Variants in PKHD1 observed in about 807,000 individuals in gnomAD.
PKHD1 encodes PKHD1 ciliary IPT domain containing fibrocystin/polyductin, also known as fibrocystin.
In PKHD1, 291 loss-of-function variants were observed where a neutral mutation model predicts 412.0. The observed-to-expected ratio is 0.71, with a 90% CI of 0.64 to 0.78. The LOEUF is 0.78. Ranked by LOEUF, PKHD1 falls within the 30% of genes least tolerant of loss-of-function variation. The pLI is 0.00. For synonymous variants in PKHD1, 1,777 were observed against 1,821.5 expected (o/e 0.98, Z 0.62); for missense variants, 4,825 against 4,950.7 (o/e 0.97, Z 0.76).
rs143045276 is a variant in PKHD1 at position 52,021,415 on chromosome 6, G to A, written c.5380+1386C>T. 2.3e-3 allele frequency among the ~76,000 whole-genome samples: 349 copies of A among 152,228 alleles called. 6 individuals carry two copies. The highest frequency in any genetic ancestry group is 9.1e-3 in the East Asian group (47 of 5,186). On this transcript the variant is annotated intron_variant, in intron 33 of 66. Coordinates refer to ENST00000371117, the MANE Select transcript of PKHD1 (RefSeq NM_138694.4). ...GGCTTTTAAAAGTATATTAATTTGA[G>A]CAGTGTATATATGAAAGCTTTTTTA...
chr6:51,722,754 G>A (rs932398000), intron 60 of PKHD1, among the ~76,000 whole-genome samples: 13 of 152,278 alleles, frequency 8.5e-5, no homozygotes, highest in African/African-American at 2.2e-4. Flanking sequence ...ACATGCTAAT[G>A]TAATTAACCA....
intron 36 of PKHD1, among the ~76,000 whole-genome samples, chr6:51,949,188 C>T (rs1443398684): frequency 2.0e-5 from 3 of 152,186 alleles, no homozygotes; most frequent in East Asian, 3.8e-4. Context: ...TACTTGCCTA[C>T]ATTGATTAAC....
intron 52 of PKHD1, among the ~76,000 whole-genome samples, chr6:51,796,125 T>A (rs1396032331): frequency 6.6e-6 from 1 of 152,214 alleles, no homozygotes; most frequent in East Asian, 1.9e-4. Flanking sequence ...CAGCTGTGAA[T>A]TCACCTGGTC....
In PKHD1 at chr6:51,871,315, C is replaced by CAAAAAGACAAAGAGATGGAAA. The variant is rs1775965992; in HGVS notation, c.7351-677_7351-676insTTTCCATCTCTTTGTCTTTTT. Among the ~76,000 whole-genome samples, 356 of 58,548 alleles carry CAAAAAGACAAAGAGATGGAAA rather than the reference C, an allele frequency of 6.1e-3. 7 individuals are homozygous for CAAAAAGACAAAGAGATGGAAA. The highest frequency in any genetic ancestry group is 0.037 in the Middle Eastern group (2 of 54). 38.4% of individuals were successfully genotyped at this position (58,548 alleles called of 152,430 possible). ...ATGAATGGATTAACAAACTGCATTA[C>CAAAAAGACAAAGAGATGGAAA]ATCTATCTAATGGAATACTATTCGT... On this transcript the variant is annotated intron_variant, in intron 46 of 66. Transcript: ENST00000371117.
intron 60 of PKHD1, among the ~76,000 whole-genome samples, chr6:51,676,069 G>A (rs1775789523): frequency 6.6e-6 from 1 of 152,068 alleles, no homozygotes; most frequent in Admixed American, 6.6e-5. Flanking sequence ...GGAGGCAGGT[G>A]TGTATGTGTG....
At chr6:52,021,749 C>T (rs532251911) in intron 33 of PKHD1, among the ~76,000 whole-genome samples, 37 of 152,002 alleles carry the variant, frequency 2.4e-4, no homozygotes, top group Middle Eastern at 3.4e-3. Flanking sequence ...CTTCTTCTTC[C>T]TCTTCCCTCT....
At chr6:51,746,996 G>T in intron 58 of PKHD1, 107 bp from the exon 59 acceptor site, 2 of 711,300 alleles carry the variant, frequency 2.8e-6, no homozygotes, top group Non-Finnish European at 4.6e-6. Context: ...CCCTAAGTTA[G>T]TTAAAGCTAT....
chr6:51,965,389 T>C lies in PKHD1; in HGVS notation c.5752-5363A>G, dbSNP rs549232485. On this transcript the variant is annotated intron_variant, in intron 35 of 66. Coordinates refer to ENST00000371117, the MANE Select transcript of PKHD1 (RefSeq NM_138694.4). ...CACAACAGATGACACAGGCTGAGAT[T>C]ATTTCAGCTGATTATAAAACAAAAG... is the stretch of plus-strand genomic sequence containing the variant. Among the ~76,000 whole-genome samples, 32 of 152,252 alleles carry C rather than the reference T, an allele frequency of 2.1e-4. 1 individual carries two copies. In the South Asian group the frequency reaches 6.4e-3, roughly 31 times the overall value.
intron 28 of PKHD1, among the ~76,000 whole-genome samples, chr6:52,034,174 T>C (rs1428063505): frequency 2.8e-5 from 2 of 70,426 alleles, no homozygotes; most frequent in Non-Finnish European, 6.9e-5. Context: ...ATAGGAACTC[T>C]AGGGGAAAAA....
intron 15 of PKHD1, among the ~76,000 whole-genome samples, 170 bp from the exon 16 acceptor site, chr6:52,058,771 C>CTCTATCGA (rs1554218018): frequency 1.4e-4 from 21 of 149,190 alleles, no homozygotes; most frequent in Non-Finnish European, 2.5e-4. Flanking sequence ...TTCTCCAGCT[C>CTCTATCGA]TCTATCTATC....
rs79593322 is a variant in PKHD1, at chr6:51,665,159, G to A, written c.10157-5190C>T. Among the ~76,000 whole-genome samples the A allele has an allele frequency of 3.2e-3, 479 of 151,864 alleles. 3 individuals are homozygous for A. Among genetic ancestry groups the A allele is most frequent in the African/African-American group, 0.011 (448 of 41,440 alleles). ...TTTTTTCTACCCTAGGAAAAATACC[G>A]TACAAAAAAAATCTGTAATAAATAA... On this transcript the variant is annotated intron_variant, in intron 60 of 66. Transcript: ENST00000371117.
chr6:51,853,686 C>G (rs1237574723), intron 49 of PKHD1, among the ~76,000 whole-genome samples: 1 of 152,104 alleles, frequency 6.6e-6, no homozygotes, highest in East Asian at 1.9e-4. Flanking sequence ...CTCTGATATC[C>G]TTTCTTTTAC....
chr6:51,783,638 T>G (rs149617899), intron 53 of PKHD1, among the ~76,000 whole-genome samples: 2 of 151,974 alleles, frequency 1.3e-5, no homozygotes, highest in African/African-American at 4.8e-5. Flanking sequence ...AGAGGAGACA[T>G]TGATGAAAGG....
chr6:51,862,031 A>C (rs1354099306), intron 48 of PKHD1, among the ~76,000 whole-genome samples: 4 of 152,212 alleles, frequency 2.6e-5, no homozygotes, highest in African/African-American at 9.6e-5. Flanking sequence ...TGTCAGGGAT[A>C]TTGAAAAATA....
At chr6:51,959,404 C>G (rs1412527169) in intron 36 of PKHD1, among the ~76,000 whole-genome samples, 4 of 152,042 alleles carry the variant, frequency 2.6e-5, no homozygotes, top group Non-Finnish European at 5.9e-5. Context: ...AGCTATATAG[C>G]CGGTTTTGCA....
chr6:51,949,777 T>C (rs761529707), intron 36 of PKHD1, among the ~76,000 whole-genome samples: 4 of 152,046 alleles, frequency 2.6e-5, no homozygotes, highest in Non-Finnish European at 4.4e-5. Context: ...GCTTTAAGGA[T>C]TGGGGGCAAA....
At chr6:51,790,275 G>A (rs1793535289) in intron 53 of PKHD1, among the ~76,000 whole-genome samples, 2 of 152,298 alleles carry the variant, frequency 1.3e-5, no homozygotes, top group East Asian at 3.9e-4. Flanking sequence ...TTTGGAGACA[G>A]GGTACATGTC....
intron 60 of PKHD1, among the ~76,000 whole-genome samples, chr6:51,679,176 T>C (rs1267170860): frequency 6.6e-6 from 1 of 152,064 alleles, no homozygotes; most frequent in Non-Finnish European, 1.5e-5. Context: ...TTTTTTTCCC[T>C]CTCATGACCC....
chr6:51,799,369 T>A (rs1795057953), intron 52 of PKHD1, among the ~76,000 whole-genome samples: 1 of 152,182 alleles, frequency 6.6e-6, no homozygotes. Context: ...AATTTTGAGG[T>A]GGTAGGAATT....
Sources: gnomAD v4.1 joint callset for allele counts (sites outside exome capture counted in the v4.1 genomes callset) on GRCh38, gnomAD v4.1.1 for gene constraint, MANE v1.5 for transcripts, NCBI Gene and HGNC (gene_info 2026-07-23, HGNC 2026-07-21) for gene names.